Variants in LRFN2 observed in about 807,000 individuals in gnomAD.
LRFN2 encodes the protein leucine rich repeat and fibronectin type III domain containing 2, also known as leucine-rich repeat and fibronectin type-III domain-containing protein 2.
In LRFN2, 18 loss-of-function variants were observed where a neutral mutation model predicts 37.3. The observed-to-expected ratio is 0.48, with a 90% CI of 0.33 to 0.72. The LOEUF is 0.72. Among genes scored for constraint, LRFN2 ranks in the 30% least tolerant of loss-of-function variants. The pLI is 0.02. For missense variants in LRFN2, 1,006 were observed against 1,060.7 expected, an observed-to-expected ratio of 0.95 and a Z score of 0.72; for synonymous variants, 556 against 466.6, an observed-to-expected ratio of 1.19 and a Z score of -2.47.
chr6:40,472,961 C>G (rs574706610), intron 1 of LRFN2, among the ~76,000 whole-genome samples: 2 of 152,280 alleles, frequency 1.3e-5, no homozygotes, highest in Admixed American at 6.5e-5. Context: ...GCTCCTGAAC[C>G]ACCTGTTTCT....
chr6:40,548,523 T>C (rs1766706450), intron 1 of LRFN2, among the ~76,000 whole-genome samples: 1 of 152,166 alleles, frequency 6.6e-6, no homozygotes, highest in Non-Finnish European at 1.5e-5. Flanking sequence ...ACTCAATAAA[T>C]GAAAGCCATC....
chr6:40,536,779 C>T (rs186416831), intron 1 of LRFN2, among the ~76,000 whole-genome samples: 19 of 152,270 alleles, frequency 1.2e-4, no homozygotes, highest in African/African-American at 4.6e-4. Context: ...TCAGAATCTG[C>T]AGATCAGAGG....
intron 1 of LRFN2, among the ~76,000 whole-genome samples, chr6:40,507,450 G>A (rs1765575386): frequency 6.6e-6 from 1 of 152,172 alleles, no homozygotes; most frequent in Admixed American, 6.5e-5. Flanking sequence ...AGAGGGCTGA[G>A]CTTCAGAAAC....
chr6:40,508,939 A>G (rs542015707), intron 1 of LRFN2, among the ~76,000 whole-genome samples: 5 of 152,220 alleles, frequency 3.3e-5, no homozygotes, highest in African/African-American at 1.2e-4. Flanking sequence ...GGTTGATAAG[A>G]TCATCTCCAG....
intron 2 of LRFN2, among the ~76,000 whole-genome samples, chr6:40,393,439 T>G (rs1260573824): frequency 8.0e-5 from 11 of 136,874 alleles, no homozygotes; most frequent in African/African-American, 1.4e-4. Context: ...AGAAAGGAGG[T>G]AGTTGAAAGA....
intron 1 of LRFN2, among the ~76,000 whole-genome samples, chr6:40,537,519 T>C (rs890832926): frequency 6.6e-6 from 1 of 152,092 alleles, no homozygotes; most frequent in African/African-American, 2.4e-5. Flanking sequence ...GAGAGCTGAA[T>C]CCAAGGCCCA....
At chr6:40,555,463 C>G (rs1261759523) in intron 1 of LRFN2, among the ~76,000 whole-genome samples, 1 of 152,168 alleles carries the variant, frequency 6.6e-6, no homozygotes, top group African/African-American at 2.4e-5. Flanking sequence ...GAACAAGTGG[C>G]AGCTACGGAT....
chr6:40,556,065 G>A (rs1422413942), intron 1 of LRFN2, among the ~76,000 whole-genome samples: 1 of 152,176 alleles, frequency 6.6e-6, no homozygotes, highest in Admixed American at 6.5e-5. Flanking sequence ...CAGCCCACCT[G>A]CTCTCCTCAA....
At chr6:40,526,300 T>A (rs530818916) in intron 1 of LRFN2, among the ~76,000 whole-genome samples, 1 of 152,234 alleles carries the variant, frequency 6.6e-6, no homozygotes, top group Non-Finnish European at 1.5e-5. Context: ...ATGGTGTGTG[T>A]ATGCGTCACC....
At chr6:40,559,305 C>T (rs1318598524) in intron 1 of LRFN2, among the ~76,000 whole-genome samples, 1 of 152,202 alleles carries the variant, frequency 6.6e-6, no homozygotes, top group Non-Finnish European at 1.5e-5. Context: ...GCCATTACCA[C>T]ACTGAGATAC....
chr6:40,469,434 T>C (rs1764546017), intron 1 of LRFN2, among the ~76,000 whole-genome samples: 1 of 152,180 alleles, frequency 6.6e-6, no homozygotes, highest in Non-Finnish European at 1.5e-5. Flanking sequence ...CCTGGGCTAG[T>C]AGGGCCTGTT....
chr6:40,491,309 T>C (rs1384919222), intron 1 of LRFN2, among the ~76,000 whole-genome samples: 1 of 152,170 alleles, frequency 6.6e-6, no homozygotes, highest in African/African-American at 2.4e-5. Flanking sequence ...CATCTTAGAG[T>C]GCACCTGGAG....
At chr6:40,490,534 C>T (rs889034497) in intron 1 of LRFN2, among the ~76,000 whole-genome samples, 5 of 152,228 alleles carry the variant, frequency 3.3e-5, no homozygotes, top group Non-Finnish European at 7.3e-5. Flanking sequence ...TCTCAAGACT[C>T]TCACATGAAA....
chr6:40,496,826 T>C, intron 1 of LRFN2, among the ~76,000 whole-genome samples: 1 of 151,984 alleles, frequency 6.6e-6, no homozygotes, highest in South Asian at 2.1e-4. Context: ...CTGACTCTAG[T>C]CCCAGCATTT....
chr6:40,435,153 CAG>C (rs10583784), intron 1 of LRFN2, among the ~76,000 whole-genome samples: 17,838 of 113,292 alleles, frequency 0.16, 1,275 homozygotes, highest in African/African-American at 0.2. Flanking sequence ...TATATATATA[CAG>C]AGAGAGAGAG....
chr6:40,540,104 G>A (rs971654350), intron 1 of LRFN2, among the ~76,000 whole-genome samples: 6 of 152,166 alleles, frequency 3.9e-5, no homozygotes, highest in African/African-American at 1.2e-4. Context: ...GGTGTCTGAC[G>A]TGGGTGTCAA....
At chr6:40,539,408 A>G (rs2504837) in intron 1 of LRFN2, among the ~76,000 whole-genome samples, 2,990 of 152,282 alleles carry the variant, frequency 0.02, 116 homozygotes, top group African/African-American at 0.068. Context: ...TAGAGGAATA[A>G]ATAAAGACAG....
intron 1 of LRFN2, among the ~76,000 whole-genome samples, chr6:40,569,015 G>A (rs1344404425): frequency 1.3e-5 from 2 of 152,132 alleles, no homozygotes; most frequent in African/African-American, 4.8e-5. Flanking sequence ...GCCTCCAAGC[G>A]AGGATAAATG....
In LRFN2 at chr6:40,523,988, TGGGAAGGGCAGG is replaced by T. The variant is rs1766168138; in HGVS notation, c.-19+62941_-19+62952del. On this transcript the variant is annotated intron_variant, in intron 1 of 2. Coordinates refer to ENST00000338305, the MANE Select transcript of LRFN2 (RefSeq NM_020737.3). ...TGCATAGAAGGGCAGGGGGAGGGGC[TGGGAAGGGCAGG>T]GGGAGGGGCTGGGGAGGCCAGCCCA... is the stretch of plus-strand genomic sequence containing the variant. The T allele has an allele frequency of 5.3e-4, 5 of 9,418 alleles. No individual in the cohort carries two copies. The African/African-American group carries it at 7.8e-3, about 15-fold the overall frequency. The allele number at this position is 9,418 out of a possible 1,614,324, so 0.6% of individuals were successfully genotyped here. A position where few individuals can be genotyped will look rare whatever the true frequency, so the allele number is the denominator to read the frequency against.
Sources: gnomAD v4.1 joint callset for allele counts (sites outside exome capture counted in the v4.1 genomes callset) on GRCh38, gnomAD v4.1.1 for gene constraint, MANE v1.5 for transcripts, NCBI Gene and HGNC (gene_info 2026-07-23, HGNC 2026-07-21) for gene names.